CTNNA3: variants seen among roughly 807,000 people sequenced by gnomAD.
CTNNA3 encodes the protein catenin alpha-3.
Under a neutral mutation model 95.7 loss-of-function variants are expected in CTNNA3, and 76 were observed. The ratio of observed to expected loss-of-function variants is 0.79; its 90% CI spans 0.66 to 0.96. The LOEUF (loss-of-function observed/expected upper bound fraction) is 0.96, where lower values mean the gene tolerates loss of function less well. Among genes scored for constraint, CTNNA3 ranks in the 40% least tolerant of loss-of-function variants. CTNNA3 has a pLI of 0.00. For synonymous variants in CTNNA3, 431 were observed against 374.4 expected (o/e 1.15, Z -1.74); for missense variants, 1,191 against 1,089.8 (o/e 1.09, Z -1.31).
intron 5 of CTNNA3, among the ~76,000 whole-genome samples, chr10:67,220,700 G>A (rs1011611413): frequency 6.6e-6 from 1 of 152,180 alleles, no homozygotes; most frequent in African/African-American, 2.4e-5. Context: ...CATTACATCA[G>A]AGAGAAGAGA....
upstream of CTNNA3, among the ~76,000 whole-genome samples, chr10:67,697,365 A>G (rs543126240): frequency 6.6e-6 from 1 of 152,332 alleles, no homozygotes; most frequent in South Asian, 2.1e-4. Context: ...TAAAGAAATC[A>G]CTTGACACTT....
chr10:66,406,971 G>T (rs1037107572), intron 11 of CTNNA3, among the ~76,000 whole-genome samples: 14 of 151,858 alleles, frequency 9.2e-5, no homozygotes, highest in Non-Finnish European at 1.8e-4. Flanking sequence ...TCTTTCAAAG[G>T]ATTTTATTTA....
chr10:66,069,035 A>G (rs1348300982), intron 15 of CTNNA3, among the ~76,000 whole-genome samples: 1 of 152,208 alleles, frequency 6.6e-6, no homozygotes, highest in Non-Finnish European at 1.5e-5. Flanking sequence ...ACATGCTAGT[A>G]TGATACACAG....
chr10:66,320,613 G>A lies in CTNNA3; in HGVS notation c.1733-39992C>T, dbSNP rs77231391. The stretch of plus-strand genomic sequence containing the variant: ...TCGTATCACTAGGACTTTGGTGCAG[G>A]TCTTGGTTCTCTCATTCCTAACCCA... On this transcript the variant is annotated intron_variant, in intron 12 of 17. Transcript: ENST00000433211. Among the ~76,000 whole-genome samples, 669 of 152,114 alleles carry A rather than the reference G, an allele frequency of 4.4e-3. 6 individuals are homozygous for A. Among genetic ancestry groups the A allele is most frequent in the Non-Finnish European group, 7.9e-3 (535 of 67,958 alleles).
Position 66,344,468 on chromosome 10 carries a change from T to C in CTNNA3, c.1732+34684A>G, listed in dbSNP as rs547764123. On this transcript the variant is annotated intron_variant, in intron 12 of 17. Transcript: ENST00000433211. ...TTGTAGTAGAGACAGGGTTTCACTA[T>C]ATTGGCCAGGCTGGTCTCGAACTCC... is the stretch of plus-strand genomic sequence containing the variant. Among the ~76,000 whole-genome samples, 98 of 151,780 alleles carry C rather than the reference T, an allele frequency of 6.5e-4. 1 individual carries two copies. Among genetic ancestry groups the C allele is most frequent in the African/African-American group, 2.1e-3 (88 of 41,494 alleles).
rs944499742 is a variant in CTNNA3, at chr10:66,040,755, C to G, written c.2159+28553G>C. On this transcript the variant is annotated intron_variant, in intron 15 of 17. Transcript: ENST00000433211. ...TGGAGGTTGGGAGGAGGGTGAGGAC[C>G]AGGAAAAATAGTTAATGGGTACTAG... Among the ~76,000 whole-genome samples, 4 of 151,984 alleles carry G rather than the reference C, an allele frequency of 2.6e-5. No individual in the cohort carries two copies. The East Asian group carries it at 7.7e-4, about 29-fold the overall frequency.
intron 7 of CTNNA3, among the ~76,000 whole-genome samples, chr10:67,144,664 T>A (rs1860755553): frequency 6.6e-6 from 1 of 152,204 alleles, no homozygotes; most frequent in Admixed American, 6.5e-5. Context: ...TCCTTATCTC[T>A]CTCAGTCTTC....
chr10:66,991,389 T>C (rs1424581620), intron 7 of CTNNA3, among the ~76,000 whole-genome samples: 2 of 152,170 alleles, frequency 1.3e-5, no homozygotes, highest in South Asian at 2.1e-4. Context: ...TCAACATAAA[T>C]AGCCTACTCA....
chr10:66,798,685 G>T (rs1310167210), intron 7 of CTNNA3, among the ~76,000 whole-genome samples: 1 of 151,606 alleles, frequency 6.6e-6, no homozygotes, highest in Non-Finnish European at 1.5e-5. Context: ...GGTAAACTTT[G>T]ATTAGTGAAG....
chr10:66,665,361 C>T (rs1470115935), intron 9 of CTNNA3, among the ~76,000 whole-genome samples: 1 of 152,178 alleles, frequency 6.6e-6, no homozygotes, highest in Non-Finnish European at 1.5e-5. Context: ...CAAGTCAACA[C>T]ATAATAATAA....
chr10:66,629,939 C>G (rs1845073556), intron 9 of CTNNA3, among the ~76,000 whole-genome samples: 1 of 152,168 alleles, frequency 6.6e-6, no homozygotes, highest in African/African-American at 2.4e-5. Context: ...CACCTCCACA[C>G]AGAATACCTG....
intron 5 of CTNNA3, among the ~76,000 whole-genome samples, chr10:67,481,248 C>T (rs1282807811): frequency 6.6e-6 from 1 of 152,164 alleles, no homozygotes; most frequent in Non-Finnish European, 1.5e-5. Flanking sequence ...CACTACTCAT[C>T]TTCAGCATAG....
intron 10 of CTNNA3, among the ~76,000 whole-genome samples, chr10:66,606,464 A>G (rs980658748): frequency 2.0e-5 from 3 of 152,162 alleles, no homozygotes; most frequent in African/African-American, 7.2e-5. Flanking sequence ...GAGAGAATAC[A>G]TTCTTCTCAT....
intron 7 of CTNNA3, among the ~76,000 whole-genome samples, chr10:67,002,415 T>A (rs749629643): frequency 2.6e-5 from 4 of 152,158 alleles, no homozygotes; most frequent in Non-Finnish European, 5.9e-5. Context: ...TGTTTTAATT[T>A]TTAATGATAG....
At chr10:66,046,914 C>T (rs904935920) in intron 15 of CTNNA3, among the ~76,000 whole-genome samples, 3 of 151,990 alleles carry the variant, frequency 2.0e-5, no homozygotes, top group African/African-American at 7.3e-5. Context: ...ATACACCCTC[C>T]CAAGACTGAC....
At chr10:66,909,407 G>A (rs770136246) in intron 7 of CTNNA3, among the ~76,000 whole-genome samples, 7 of 152,098 alleles carry the variant, frequency 4.6e-5, no homozygotes, top group African/African-American at 7.2e-5. Flanking sequence ...CTACTCAGGA[G>A]GTTGATGCAG....
chr10:66,905,710 C>T (rs182565385), intron 7 of CTNNA3, among the ~76,000 whole-genome samples: 2 of 152,208 alleles, frequency 1.3e-5, no homozygotes, highest in Admixed American at 1.3e-4. Flanking sequence ...AATTTTGCTA[C>T]ATGCATTACG....
chr10:67,195,601 G>T (rs1259905464), intron 6 of CTNNA3, among the ~76,000 whole-genome samples: 1 of 151,928 alleles, frequency 6.6e-6, no homozygotes, highest in Non-Finnish European at 1.5e-5. Context: ...GATGAATAAA[G>T]CCATAGACCC....
At chr10:67,535,977 A>C (rs549920361) in intron 4 of CTNNA3, among the ~76,000 whole-genome samples, 1 of 152,198 alleles carries the variant, frequency 6.6e-6, no homozygotes, top group East Asian at 1.9e-4. Context: ...AAGCAAGGAA[A>C]ATGATAGCAG....
Sources: allele counts gnomAD v4.1 joint callset (sites outside exome capture counted in the v4.1 genomes callset), GRCh38; gene constraint gnomAD v4.1.1; transcripts MANE v1.5; gene names NCBI Gene and HGNC (gene_info 2026-07-23, HGNC 2026-07-21).